Variants in ANKS1B observed in about 807,000 individuals in gnomAD.
The protein encoded by ANKS1B is ankyrin repeat and sterile alpha motif domain-containing protein 1B.
ANKS1B carries 36 observed loss-of-function variants against 148.3 expected under a neutral mutation model. That is an observed-to-expected ratio of 0.24 (90% CI 0.19 to 0.32). The LOEUF is 0.32. ANKS1B is among the 10% of genes least tolerant of loss of function. The pLI is 1.00. For missense variants in ANKS1B, 1,157 were observed against 1,542.6 expected (o/e 0.75, Z 4.19); for synonymous variants, 542 against 560.8 (o/e 0.97, Z 0.47).
At chr12:98,826,493 T>C (rs1190011106) in intron 19 of ANKS1B, among the ~76,000 whole-genome samples, 1 of 152,074 alleles carries the variant, frequency 6.6e-6, no homozygotes, top group Non-Finnish European at 1.5e-5. Flanking sequence ...TCCTAATGAA[T>C]TATTGCGGCC....
intron 9 of ANKS1B, among the ~76,000 whole-genome samples, chr12:99,586,675 T>C (rs765152491): frequency 1.3e-5 from 2 of 152,122 alleles, no homozygotes; most frequent in Non-Finnish European, 2.9e-5. Flanking sequence ...CGAGGCTGGG[T>C]AACTTACAAA....
intron 17 of ANKS1B, among the ~76,000 whole-genome samples, chr12:99,002,914 A>C (rs1021742165): frequency 5.9e-5 from 9 of 152,144 alleles, no homozygotes; most frequent in African/African-American, 2.2e-4. Flanking sequence ...TGCCAAGATC[A>C]ATGTCATGAA....
chr12:99,117,114 G>C (rs1358727287), intron 15 of ANKS1B, among the ~76,000 whole-genome samples: 1 of 152,142 alleles, frequency 6.6e-6, no homozygotes. Flanking sequence ...AGATGATGGG[G>C]TTTTCTAAAT....
intron 1 of ANKS1B, among the ~76,000 whole-genome samples, chr12:99,941,459 A>G (rs113431882): frequency 0.031 from 3,232 of 104,090 alleles, 107 homozygotes; most frequent in African/African-American, 0.11. Flanking sequence ...GTGGGAATAG[A>G]AAGTTAAAAA....
chr12:99,401,196 A>G (rs1236811141), intron 11 of ANKS1B, among the ~76,000 whole-genome samples: 2 of 146,252 alleles, frequency 1.4e-5, no homozygotes, highest in African/African-American at 5.2e-5. Flanking sequence ...TTTGAAATAC[A>G]AAAGATCAGG....
chr12:99,588,281 T>G (rs552221249), intron 9 of ANKS1B, among the ~76,000 whole-genome samples: 1 of 152,318 alleles, frequency 6.6e-6, no homozygotes, highest in South Asian at 2.1e-4. Flanking sequence ...ATACCAAAGA[T>G]TCATCTGCAT....
At chr12:99,386,595 A>G (rs1176870686) in intron 12 of ANKS1B, among the ~76,000 whole-genome samples, 1 of 152,220 alleles carries the variant, frequency 6.6e-6, no homozygotes, top group African/African-American at 2.4e-5. Context: ...CTTGTTCACT[A>G]AAGGGGAAGA....
chr12:99,466,550 A>G (rs1351356418), intron 10 of ANKS1B, among the ~76,000 whole-genome samples: 2 of 151,148 alleles, frequency 1.3e-5, no homozygotes, highest in Non-Finnish European at 2.9e-5. Flanking sequence ...AGCAAGACTA[A>G]TAAAGAAGAA....
intron 9 of ANKS1B, among the ~76,000 whole-genome samples, chr12:98,738,935 G>A (rs920655437): frequency 6.6e-6 from 1 of 152,214 alleles, no homozygotes; most frequent in Non-Finnish European, 1.5e-5. Context: ...GACACACCAA[G>A]TCTTTTAGAA....
At chr12:98,852,787 A>T (rs2099537898) in intron 17 of ANKS1B, among the ~76,000 whole-genome samples, 1 of 152,118 alleles carries the variant, frequency 6.6e-6, no homozygotes, top group African/African-American at 2.4e-5. Flanking sequence ...CTCCATTAAA[A>T]TGAACATTTG....
At position 99,126,426 on chromosome 12, in the gene ANKS1B, T is replaced by C. The variant is rs146967695; in HGVS notation, c.2526+27863A>G. Among the ~76,000 whole-genome samples, 818 of 152,284 alleles carry C rather than the reference T, an allele frequency of 5.4e-3. 5 individuals carry two copies. The highest frequency in any genetic ancestry group is 0.019 in the African/African-American group (785 of 41,552). On this transcript the variant is annotated intron_variant, in intron 15 of 26. Coordinates refer to ENST00000683438, the MANE Select transcript of ANKS1B (RefSeq NM_001352186.2). Reference sequence around the variant, plus strand: ...TTCCTTTAAGTCTAGTATTTCAATTTAACAGTTTAGCAAATTTTCTGTGCA... The same window carrying C: ...TTCCTTTAAGTCTAGTATTTCAATTCAACAGTTTAGCAAATTTTCTGTGCA...
chr12:98,847,245 T>C (rs1456649193), intron 17 of ANKS1B, among the ~76,000 whole-genome samples: 1 of 151,822 alleles, frequency 6.6e-6, no homozygotes, highest in African/African-American at 2.4e-5. Flanking sequence ...AGTAAAATTT[T>C]CTATTTAACC....
chr12:99,466,651 C>T (rs1421919136), intron 10 of ANKS1B, among the ~76,000 whole-genome samples: 1 of 151,450 alleles, frequency 6.6e-6, no homozygotes, highest in Non-Finnish European at 1.5e-5. Context: ...TCAGAGAATA[C>T]TACAAACACC....
chr12:99,513,007 C>T (rs2096781824), intron 9 of ANKS1B, among the ~76,000 whole-genome samples: 1 of 151,704 alleles, frequency 6.6e-6, no homozygotes. Context: ...ACACGTTTAC[C>T]TAACAAACTT....
intron 1 of ANKS1B, among the ~76,000 whole-genome samples, chr12:99,889,126 C>A (rs11110085): frequency 0.095 from 14,511 of 152,048 alleles, 785 homozygotes; most frequent in African/African-American, 0.14. Context: ...GTAGATCCTC[C>A]CATCAGCCAC....
chr12:98,960,044 G>A (rs1387644734), intron 17 of ANKS1B, among the ~76,000 whole-genome samples: 2 of 152,182 alleles, frequency 1.3e-5, no homozygotes, highest in African/African-American at 4.8e-5. Context: ...CCCACCCAGG[G>A]TTTGGGGAAT....
chr12:99,483,328 C>A (rs914769982), intron 10 of ANKS1B, among the ~76,000 whole-genome samples: 5 of 151,824 alleles, frequency 3.3e-5, no homozygotes, highest in Admixed American at 3.3e-4. Flanking sequence ...GTTAAACCAT[C>A]CCTGCATCCC....
chr12:99,370,782 C>T (rs960200743), intron 12 of ANKS1B, among the ~76,000 whole-genome samples: 3 of 152,026 alleles, frequency 2.0e-5, no homozygotes, highest in Non-Finnish European at 2.9e-5. Flanking sequence ...TAAAAATGAC[C>T]ATAATTTATC....
chr12:98,743,011 A>T (rs2153354342), downstream of ANKS1B, among the ~76,000 whole-genome samples: 1 of 152,320 alleles, frequency 6.6e-6, no homozygotes, highest in African/African-American at 2.4e-5. Context: ...ATTTTTTTTA[A>T]AAAAAGTCTT....
Sources: allele counts gnomAD v4.1 joint callset (sites outside exome capture counted in the v4.1 genomes callset), GRCh38; gene constraint gnomAD v4.1.1; transcripts MANE v1.5; gene names NCBI Gene and HGNC (gene_info 2026-07-23, HGNC 2026-07-21).